Variants in ARMH3 observed in about 807,000 individuals in gnomAD.
ARMH3 encodes armadillo like helical domain containing 3.
ARMH3 carries 60 observed loss-of-function variants against 99.1 expected under a neutral mutation model. The ratio of observed to expected loss-of-function variants is 0.61; its 90% CI spans 0.49 to 0.75. The LOEUF (loss-of-function observed/expected upper bound fraction) is 0.75. ARMH3 is among the 30% of genes least tolerant of loss of function. ARMH3 has a pLI of 0.00. For synonymous variants in ARMH3, 285 were observed against 292.8 expected, an observed-to-expected ratio of 0.97 and a Z score of 0.27; for missense variants, 679 against 843.1, an observed-to-expected ratio of 0.81 and a Z score of 2.41.
chr10:101,962,736 T>C (rs1304476087), intron 20 of ARMH3, among the ~76,000 whole-genome samples: 1 of 152,174 alleles, frequency 6.6e-6, no homozygotes, highest in African/African-American at 2.4e-5. Flanking sequence ...GGACAAATCA[T>C]GCTGGGGAGA....
chr10:101,999,305 CCT>C (rs1003540146), intron 15 of ARMH3, among the ~76,000 whole-genome samples: 13 of 152,000 alleles, frequency 8.6e-5, no homozygotes, highest in African/African-American at 2.9e-4. Context: ...GATTCTTATG[CCT>C]CAGCCTCCCA....
At chr10:102,024,709 C>T (rs1163928173) in intron 6 of ARMH3, among the ~76,000 whole-genome samples, 1 of 151,486 alleles carries the variant, frequency 6.6e-6, no homozygotes, top group Non-Finnish European at 1.5e-5. Context: ...ATCCCAGCTA[C>T]TTGGGAGGCT....
At chr10:102,051,126 C>T (rs1242731251) in intron 1 of ARMH3, among the ~76,000 whole-genome samples, 2 of 149,224 alleles carry the variant, frequency 1.3e-5, no homozygotes, top group Non-Finnish European at 3.0e-5. Flanking sequence ...TTGTACTCCA[C>T]CCTGCTGGGC....
At chr10:101,887,974 G>C (rs191587041) in intron 24 of ARMH3, among the ~76,000 whole-genome samples, 21 of 151,622 alleles carry the variant, frequency 1.4e-4, no homozygotes, top group Admixed American at 1.3e-3. Flanking sequence ...GTCTGTGGCA[G>C]CTACTGCTGG....
chr10:102,039,238 G>A (rs1054886290), intron 2 of ARMH3, among the ~76,000 whole-genome samples: 6 of 151,830 alleles, frequency 4.0e-5, no homozygotes, highest in South Asian at 2.1e-4. Flanking sequence ...TCTGCCTCCC[G>A]GGTTCAAGTG....
At chr10:101,955,856 CAT>C (rs938800240) in intron 22 of ARMH3, among the ~76,000 whole-genome samples, 1 of 152,324 alleles carries the variant, frequency 6.6e-6, no homozygotes, top group African/African-American at 2.4e-5. Context: ...CATACGTACA[CAT>C]ATGTCAAGAC....
At chr10:101,980,880 G>C (rs1234704409) in intron 19 of ARMH3, among the ~76,000 whole-genome samples, 1 of 152,136 alleles carries the variant, frequency 6.6e-6, no homozygotes, top group East Asian at 1.9e-4. Flanking sequence ...TATGCAGCCA[G>C]AAAAAGGAAT....
chr10:101,880,069 C>T lies in ARMH3; in HGVS notation c.1860+9343G>A, dbSNP rs141028623. On this transcript the variant is annotated intron_variant, in intron 24 of 25. Coordinates refer to ENST00000370033, the MANE Select transcript of ARMH3 (RefSeq NM_024541.3). ...AACAAAGAAGGCAGGGTTGGATGGC[C>T]AGTGCCGGTGTCACATGCTCACACT... Among the ~76,000 whole-genome samples the T allele has an allele frequency of 1.1e-3, 160 of 152,358 alleles. 1 individual carries two copies. Among genetic ancestry groups the T allele is most frequent in the African/African-American group, 3.5e-3 (147 of 41,580 alleles).
intron 8 of ARMH3, 88 bp from the exon 9 acceptor site, chr10:102,014,112 C>A: frequency 1.0e-6 from 1 of 986,256 alleles, no homozygotes. Context: ...AAAAATGCTT[C>A]CATAAGGCCC....
intron 24 of ARMH3, among the ~76,000 whole-genome samples, chr10:101,850,795 T>C (rs2066582407): frequency 1.3e-5 from 2 of 152,154 alleles, no homozygotes; most frequent in African/African-American, 4.8e-5. Context: ...CTGTTTACTC[T>C]GAGTACGGCA....
chr10:101,911,578 T>G (rs1390713550), intron 23 of ARMH3, among the ~76,000 whole-genome samples: 2 of 151,856 alleles, frequency 1.3e-5, no homozygotes, highest in African/African-American at 2.4e-5. Context: ...CTCTAAAAAA[T>G]AAAGTAGCTG....
intron 20 of ARMH3, among the ~76,000 whole-genome samples, chr10:101,969,268 C>G (rs766793737): frequency 3.9e-5 from 6 of 152,154 alleles, no homozygotes; most frequent in African/African-American, 7.2e-5. Flanking sequence ...ATTTTTGCAA[C>G]TTCCTGTAAG....
chr10:102,041,902 C>T (rs1219849429), intron 1 of ARMH3, among the ~76,000 whole-genome samples: 3 of 152,184 alleles, frequency 2.0e-5, no homozygotes, highest in African/African-American at 4.8e-5. Flanking sequence ...CCTGCCTCGG[C>T]CTCCCAAAGT....
chr10:102,011,816 T>A (rs781009923), intron 10 of ARMH3, 33 bp from the exon 11 acceptor site: 1 of 1,552,612 alleles, frequency 6.4e-7, no homozygotes, highest in Non-Finnish European at 8.8e-7. Context: ...AACTTTAGGA[T>A]TGTTTATCAA....
chr10:102,053,483 C>CCTAG (rs1319100328), intron 1 of ARMH3, among the ~76,000 whole-genome samples: 2 of 152,102 alleles, frequency 1.3e-5, no homozygotes, highest in African/African-American at 4.8e-5. Flanking sequence ...AATCTACCTG[C>CCTAG]CTAGGCCTCC....
chr10:102,006,639 A>C lies in ARMH3; in HGVS notation c.955-6T>G, dbSNP rs1202087945. The C allele has an allele frequency of 6.2e-7, 1 of 1,612,650 alleles. No individual in the cohort carries two copies. The highest frequency in any genetic ancestry group is 8.5e-7 in the Non-Finnish European group (1 of 1,178,796). On this transcript the variant is annotated splice_region_variant and splice_polypyrimidine_tract_variant and intron_variant, in intron 13 of 25. Coordinates refer to ENST00000370033, the MANE Select transcript of ARMH3 (RefSeq NM_024541.3). ...AAGCCCATTTCTGGATGGCTCTGAA[A>C]AAGATACACAGATGTGTAAGAAAAC...
At chr10:101,985,799 C>T (rs1426187760) in intron 19 of ARMH3, among the ~76,000 whole-genome samples, 3 of 151,866 alleles carry the variant, frequency 2.0e-5, no homozygotes, top group Non-Finnish European at 4.4e-5. Context: ...GATGGGTCAC[C>T]GGAGGTCAGG....
chr10:101,885,872 T>C (rs2135427582), intron 24 of ARMH3, among the ~76,000 whole-genome samples: 1 of 151,842 alleles, frequency 6.6e-6, no homozygotes, highest in South Asian at 2.1e-4. Flanking sequence ...CTGGCCAACA[T>C]GGTGAAACCC....
At chr10:101,956,347 T>TTC (rs138724899) in intron 22 of ARMH3, among the ~76,000 whole-genome samples, 5 of 150,818 alleles carry the variant, frequency 3.3e-5, no homozygotes, top group South Asian at 2.1e-4. Flanking sequence ...AGCCTCCCTA[T>TTC]TCTCTCTCTC....
Sources: allele counts gnomAD v4.1 joint callset (sites outside exome capture counted in the v4.1 genomes callset), GRCh38; gene constraint gnomAD v4.1.1; transcripts MANE v1.5; gene names NCBI Gene and HGNC (gene_info 2026-07-23, HGNC 2026-07-21).